Variants in NRXN3 observed in about 807,000 individuals in gnomAD.
The protein encoded by NRXN3 is neurexin III.
NRXN3 carries 32 observed loss-of-function variants against 137.6 expected under a neutral mutation model. The observed-to-expected ratio is 0.23, with a 90% CI of 0.18 to 0.31. The LOEUF is 0.31. NRXN3 is among the 10% of genes least tolerant of loss of function. The probability of loss-of-function intolerance (pLI) is 1.00; values close to 1 mark genes in which losing one functional copy is unlikely to be tolerated. For missense variants in NRXN3, 1,574 were observed against 2,062.5 expected, an observed-to-expected ratio of 0.76 and a Z score of 4.59; for synonymous variants, 798 against 784.5, an observed-to-expected ratio of 1.02 and a Z score of -0.29.
intron 16 of NRXN3, among the ~76,000 whole-genome samples, chr14:79,532,978 TA>T (rs1327124800): frequency 1.3e-5 from 2 of 152,146 alleles, no homozygotes; most frequent in African/African-American, 2.4e-5. Flanking sequence ...GGTTATGATA[TA>T]AAGAGGAAAC....
chr14:78,582,267 G>T (rs1043396255), intron 4 of NRXN3, among the ~76,000 whole-genome samples: 1 of 152,184 alleles, frequency 6.6e-6, no homozygotes, highest in East Asian at 1.9e-4. Flanking sequence ...CAATTTTATG[G>T]TGTGTTCTCC....
intron 16 of NRXN3, among the ~76,000 whole-genome samples, chr14:79,549,960 GTGTT>G (rs150751981): frequency 7.4e-6 from 1 of 134,418 alleles, no homozygotes; most frequent in African/African-American, 2.5e-5. Context: ...ATATTGTTGG[GTGTT>G]TGTTTGTTTG....
At chr14:79,753,297 A>G (rs1033998997) in intron 19 of NRXN3, among the ~76,000 whole-genome samples, 9 of 151,938 alleles carry the variant, frequency 5.9e-5, no homozygotes, top group African/African-American at 2.2e-4. Flanking sequence ...ACTATTCACA[A>G]TAGCAAAGAC....
rs147623331 is a variant in NRXN3, at chr14:78,473,136, C to T, written c.758-171984C>T. Reference sequence around the variant, plus strand: ...AAACCTTTCTGGCCGGGCGTGGTGGCTCAAGCCTGTAATCCCAGCACTTTG... The same window carrying T: ...AAACCTTTCTGGCCGGGCGTGGTGGTTCAAGCCTGTAATCCCAGCACTTTG... On this transcript the variant is annotated intron_variant, in intron 4 of 20. Coordinates refer to ENST00000335750, the MANE Select transcript of NRXN3 (RefSeq NM_001330195.2). Among the ~76,000 whole-genome samples, 22 of 152,180 alleles carry T rather than the reference C, an allele frequency of 1.4e-4. No individual in the cohort carries two copies. The East Asian group carries it at 3.3e-3, about 23-fold the overall frequency.
intron 19 of NRXN3, among the ~76,000 whole-genome samples, chr14:79,704,732 C>T (rs61993167): frequency 4.6e-5 from 7 of 152,106 alleles, no homozygotes; most frequent in Non-Finnish European, 7.4e-5. Context: ...CTTACCCTTA[C>T]GCAGGTACTT....
intron 15 of NRXN3, among the ~76,000 whole-genome samples, chr14:79,174,626 G>A (rs1487856966): frequency 4.7e-5 from 7 of 147,990 alleles, no homozygotes; most frequent in East Asian, 3.9e-4. Context: ...CATATTTTGC[G>A]GTGGTTTAAA....
At chr14:79,449,669 G>C (rs982468467) in intron 15 of NRXN3, among the ~76,000 whole-genome samples, 2 of 152,164 alleles carry the variant, frequency 1.3e-5, no homozygotes, top group Non-Finnish European at 2.9e-5. Flanking sequence ...TATGTATGCA[G>C]TGTAAATACT....
intron 1 of NRXN3, among the ~76,000 whole-genome samples, chr14:78,235,000 A>ATATATATATATATATATGTGTG (rs1555418533): frequency 6.7e-4 from 26 of 38,634 alleles, no homozygotes; most frequent in Admixed American, 4.7e-3. Context: ...GCTTTTATAT[A>ATATATATATATATATATGTGTG]TATATATATA....
rs984195434 is a variant in NRXN3, at chr14:79,358,972, G to A, written c.3263-108249G>A. Among the ~76,000 whole-genome samples the A allele has an allele frequency of 3.9e-5, 6 of 152,108 alleles. No homozygotes were observed. The South Asian group carries it at 6.2e-4, about 16-fold the overall frequency. On this transcript the variant is annotated intron_variant, in intron 15 of 20. Transcript: ENST00000335750. The stretch of plus-strand genomic sequence containing the variant: ...TTAATGGGAGATGGGAGGAAGCTAC[G>A]GTTACAATTCCCATAATACATTAAT...
intron 16 of NRXN3, among the ~76,000 whole-genome samples, chr14:79,509,909 A>G (rs931102899): frequency 1.3e-5 from 2 of 152,172 alleles, no homozygotes; most frequent in African/African-American, 4.8e-5. Flanking sequence ...CAACCTCCAA[A>G]AAAGAAATAA....
At chr14:78,640,270 G>C (rs574026269) in intron 4 of NRXN3, among the ~76,000 whole-genome samples, 32 of 152,260 alleles carry the variant, frequency 2.1e-4, no homozygotes, top group African/African-American at 7.7e-4. Flanking sequence ...CCCTGAAAAA[G>C]TAGTTCAAAT....
At chr14:79,755,473 T>G (rs188640260) in intron 19 of NRXN3, among the ~76,000 whole-genome samples, 20 of 152,216 alleles carry the variant, frequency 1.3e-4, no homozygotes, top group Admixed American at 2.0e-4. Flanking sequence ...AGGCTCTCAT[T>G]TCTATCTTGG....
At chr14:79,405,923 G>C (rs754780852) in intron 15 of NRXN3, among the ~76,000 whole-genome samples, 4 of 152,080 alleles carry the variant, frequency 2.6e-5, no homozygotes, top group Non-Finnish European at 4.4e-5. Context: ...AGGGTTCATT[G>C]TTCATCCTTT....
In NRXN3 at chr14:79,365,191, C is replaced by G. The variant is rs115848251; in HGVS notation, c.3263-102030C>G. 6.5e-3 allele frequency among the ~76,000 whole-genome samples: 984 copies of G among 152,038 alleles called. 8 individuals are homozygous for G. The highest frequency in any genetic ancestry group is 0.023 in the African/African-American group (941 of 41,488). ...GTGGTAGAGAATTCTGAGTTCTGTA[C>G]AACAGAGTGATTGATTTCTCGGTTT... On this transcript the variant is annotated intron_variant, in intron 15 of 20. Transcript: ENST00000335750.
In NRXN3 at chr14:79,864,755, G is replaced by GTTTGT. The variant is rs2099417302; in HGVS notation, c.*2795_*2799dup. Reference sequence around the variant, plus strand: ...TTTTGTTTTTTGTTTTTCGTTTTTTGTTTGTTTTTTTTTTGAGACAGAGTC... The same window carrying GTTTGT: ...TTTTGTTTTTTGTTTTTCGTTTTTTGTTTGTTTTGTTTTTTTTTTGAGACAGAGTC... On this transcript the variant is annotated 3_prime_UTR_variant, in exon 21 of 21. Transcript: ENST00000335750. The GTTTGT allele has an allele frequency of 6.6e-6, 1 of 151,608 alleles. No individual in the cohort carries two copies. The allele number at this position is 151,608 out of a possible 1,614,324, so 9.4% of individuals were successfully genotyped here.
At chr14:78,654,966 C>T (rs1447419938) in intron 6 of NRXN3, among the ~76,000 whole-genome samples, 1 of 152,160 alleles carries the variant, frequency 6.6e-6, no homozygotes, top group Non-Finnish European at 1.5e-5. Context: ...TCTGCCTCCC[C>T]CTGAGCTATC....
chr14:78,280,212 A>G (rs1032672033), intron 3 of NRXN3, among the ~76,000 whole-genome samples: 1 of 152,244 alleles, frequency 6.6e-6, no homozygotes, highest in African/African-American at 2.4e-5. Flanking sequence ...AGACAGAGGC[A>G]GACAATGATC....
At chr14:78,978,928 G>A (rs1375162744) in intron 14 of NRXN3, among the ~76,000 whole-genome samples, 1 of 151,892 alleles carries the variant, frequency 6.6e-6, no homozygotes, top group Admixed American at 6.6e-5. Flanking sequence ...GGCAGAAGTG[G>A]CATGATAGTG....
In NRXN3 at chr14:78,564,950, G is replaced by A. The variant is rs1027799146; in HGVS notation, c.758-80170G>A. Among the ~76,000 whole-genome samples the A allele has an allele frequency of 2.6e-5, 4 of 152,090 alleles. No homozygotes were observed. The East Asian group carries it at 5.8e-4, about 22-fold the overall frequency. On this transcript the variant is annotated intron_variant, in intron 4 of 20. Coordinates refer to ENST00000335750, the MANE Select transcript of NRXN3 (RefSeq NM_001330195.2). ...TGACCTCCTCAGCGCACTCAGTGCC[G>A]TTCCCTCTCTGAATTTCTAAAGTGC...
Sources: gnomAD v4.1 joint callset for allele counts (sites outside exome capture counted in the v4.1 genomes callset) on GRCh38, gnomAD v4.1.1 for gene constraint, MANE v1.5 for transcripts, NCBI Gene and HGNC (gene_info 2026-07-23, HGNC 2026-07-21) for gene names.